NRXN3: variants seen among roughly 807,000 people sequenced by gnomAD.
NRXN3 encodes neurexin 3, also known as neurexin III.
In NRXN3, 32 loss-of-function variants were observed where a neutral mutation model predicts 137.6. That is an observed-to-expected ratio of 0.23 (90% CI 0.18 to 0.31). The LOEUF (loss-of-function observed/expected upper bound fraction) is 0.31. Among genes scored for constraint, NRXN3 ranks in the 10% least tolerant of loss-of-function variants. The pLI is 1.00. For missense variants in NRXN3, 1,574 were observed against 2,062.5 expected (o/e 0.76, Z 4.59); for synonymous variants, 798 against 784.5 (o/e 1.02, Z -0.29).
intron 20 of NRXN3, among the ~76,000 whole-genome samples, chr14:79,835,707 T>C (rs2099339661): frequency 6.6e-6 from 1 of 152,220 alleles, no homozygotes. Context: ...GAAAGCAACA[T>C]AATTATTCAA....
intron 4 of NRXN3, among the ~76,000 whole-genome samples, chr14:78,549,965 C>T (rs2096670757): frequency 6.6e-6 from 1 of 152,010 alleles, no homozygotes; most frequent in South Asian, 2.1e-4. Flanking sequence ...TAAAAAAGCA[C>T]CTCTAGGATC....
intron 15 of NRXN3, among the ~76,000 whole-genome samples, chr14:79,302,101 C>G (rs1357229692): frequency 1.3e-5 from 2 of 151,918 alleles, no homozygotes; most frequent in African/African-American, 4.8e-5. Flanking sequence ...CTTTTTGTTT[C>G]AGTCTAACAC....
At chr14:78,247,103 G>A (rs1410815434) in intron 2 of NRXN3, among the ~76,000 whole-genome samples, 1 of 152,218 alleles carries the variant, frequency 6.6e-6, no homozygotes, top group Non-Finnish European at 1.5e-5. Flanking sequence ...CAGCTTGTTG[G>A]AGGCGCCTTC....
At chr14:78,589,356 C>T (rs906821766) in intron 4 of NRXN3, among the ~76,000 whole-genome samples, 1 of 152,140 alleles carries the variant, frequency 6.6e-6, no homozygotes, top group African/African-American at 2.4e-5. Context: ...AGCTACTGTT[C>T]CTGAAGGACT....
chr14:78,461,360 G>A (rs1421562129), intron 4 of NRXN3, among the ~76,000 whole-genome samples: 1 of 151,580 alleles, frequency 6.6e-6, no homozygotes, highest in Non-Finnish European at 1.5e-5. Flanking sequence ...CTAATCTCAA[G>A]TCTAGGGGTT....
At chr14:78,204,201 T>C (rs2061968030) in intron 1 of NRXN3, among the ~76,000 whole-genome samples, 1 of 152,164 alleles carries the variant, frequency 6.6e-6, no homozygotes, top group Non-Finnish European at 1.5e-5. Context: ...TTCCAGCCCC[T>C]TTATAATGTA....
chr14:79,045,564 C>T (rs927742249), intron 15 of NRXN3, among the ~76,000 whole-genome samples: 14 of 151,978 alleles, frequency 9.2e-5, no homozygotes, highest in Non-Finnish European at 5.9e-5. Flanking sequence ...CTCTCTGTGG[C>T]GTCATCTCAC....
intron 4 of NRXN3, among the ~76,000 whole-genome samples, chr14:78,487,978 T>G (rs1257616197): frequency 6.6e-6 from 1 of 152,130 alleles, no homozygotes; most frequent in Non-Finnish European, 1.5e-5. Context: ...GCTGGAGGAC[T>G]TGAACAACAG....
At chr14:79,808,144 A>G (rs1378570013) in intron 20 of NRXN3, among the ~76,000 whole-genome samples, 1 of 151,598 alleles carries the variant, frequency 6.6e-6, no homozygotes, top group Non-Finnish European at 1.5e-5. Context: ...AGGCTGAGGT[A>G]GAGAAGTGCT....
chr14:78,401,954 A>G (rs2092108336), intron 4 of NRXN3, among the ~76,000 whole-genome samples: 1 of 152,224 alleles, frequency 6.6e-6, no homozygotes, highest in African/African-American at 2.4e-5. Flanking sequence ...CTGAATTCCA[A>G]TGTTGTACAG....
intron 19 of NRXN3, among the ~76,000 whole-genome samples, chr14:79,702,980 T>TAA (rs962708859): frequency 1.3e-5 from 2 of 151,918 alleles, no homozygotes; most frequent in Non-Finnish European, 2.9e-5. Context: ...GAATCATTTA[T>TAA]AAACTATTTG....
chr14:79,333,282 T>C (rs1415065707), intron 15 of NRXN3, among the ~76,000 whole-genome samples: 5 of 152,166 alleles, frequency 3.3e-5, no homozygotes, highest in African/African-American at 1.2e-4. Flanking sequence ...CTGATTCCTC[T>C]CCACCTCCTC....
At chr14:78,238,913 C>T (rs796491425) in intron 1 of NRXN3, among the ~76,000 whole-genome samples, 3 of 152,216 alleles carry the variant, frequency 2.0e-5, no homozygotes, top group East Asian at 1.9e-4. Context: ...GATCTTCCCC[C>T]ACAAGGGAAT....
chr14:78,247,224 G>A (rs1301966427), intron 2 of NRXN3, among the ~76,000 whole-genome samples: 2 of 152,184 alleles, frequency 1.3e-5, no homozygotes, highest in Admixed American at 6.5e-5. Context: ...CAGGAAGAAT[G>A]TGCAGGCCCA....
In NRXN3 at chr14:79,820,385, C is replaced by G. The variant is rs559536544; in HGVS notation, c.4093+15195C>G. Among the ~76,000 whole-genome samples, 9 of 152,230 alleles carry G rather than the reference C, an allele frequency of 5.9e-5. No homozygotes were observed. The East Asian group carries it at 1.7e-3, about 29-fold the overall frequency. ...GCATCCTATGTCCTGAGGTGAATAA[C>G]GTGTTCTACCACCTGGCAGCAGATT... On this transcript the variant is annotated intron_variant, in intron 20 of 20. Transcript: ENST00000335750.
intron 4 of NRXN3, among the ~76,000 whole-genome samples, chr14:78,345,104 C>T (rs1208575932): frequency 6.6e-6 from 1 of 152,128 alleles, no homozygotes; most frequent in Non-Finnish European, 1.5e-5. Flanking sequence ...TGCACATGCG[C>T]ATGTGTGTGT....
At chr14:78,756,434 G>T (rs577447579) in intron 8 of NRXN3, among the ~76,000 whole-genome samples, 1 of 151,798 alleles carries the variant, frequency 6.6e-6, no homozygotes, top group East Asian at 1.9e-4. Context: ...GCTGCAGTGA[G>T]CCAAGATCGT....
intron 14 of NRXN3, among the ~76,000 whole-genome samples, chr14:78,981,000 G>A (rs1181236759): frequency 1.3e-5 from 2 of 151,966 alleles, no homozygotes; most frequent in African/African-American, 4.8e-5. Context: ...AATTAATAAT[G>A]ACAATGATAA....
chr14:78,999,985 A>G (rs1483690918), intron 15 of NRXN3, among the ~76,000 whole-genome samples: 1 of 152,210 alleles, frequency 6.6e-6, no homozygotes, highest in East Asian at 1.9e-4. Context: ...AAGAAGTTGG[A>G]TGCATTATAT....
Sources: allele counts gnomAD v4.1 joint callset (sites outside exome capture counted in the v4.1 genomes callset), GRCh38; gene constraint gnomAD v4.1.1; transcripts MANE v1.5; gene names NCBI Gene and HGNC (gene_info 2026-07-23, HGNC 2026-07-21).